The following ZNF540 variants were observed in gnomAD, a reference collection of about 807,000 sequenced individuals.
ZNF540 encodes the protein CTD-3064H18.6.
In ZNF540, 3 loss-of-function variants were observed where a neutral mutation model predicts 11.8. That is an observed-to-expected ratio of 0.25 (90% confidence interval 0.12 to 0.65). The LOEUF (loss-of-function observed/expected upper bound fraction) is 0.65, where lower values mean the gene tolerates loss of function less well. Ranked by LOEUF, ZNF540 falls within the 30% of genes least tolerant of loss-of-function variation. The pLI is 0.83. For missense variants in ZNF540, 709 were observed against 793.1 expected (o/e 0.89, Z 1.27); for synonymous variants, 247 against 259.0 (o/e 0.95, Z 0.45).
At chr19:37,591,546 T>C (rs1377588115), upstream of ZNF540, among the ~76,000 whole-genome samples, 1 of 152,224 alleles carries the variant, frequency 6.6e-6, no homozygotes, top group Non-Finnish European at 1.5e-5. Flanking sequence ...CCATATGAAC[T>C]GTATTTATTT....
upstream of ZNF540, chr19:37,594,319 G>A (rs1398720958): frequency 6.6e-6 from 1 of 152,362 alleles, no homozygotes; most frequent in Non-Finnish European, 1.5e-5. Flanking sequence ...GGGGCCAAGC[G>A]CTAGGAGCAT....
chr19:37,587,280 T>C (rs1004355317), intron 1 of ZNF540: 1 of 152,386 alleles, frequency 6.6e-6, no homozygotes, highest in East Asian at 1.9e-4. Context: ...ATGGCTGGAG[T>C]ATTCTCCCAA....
intron 1 of ZNF540, among the ~76,000 whole-genome samples, chr19:37,577,900 C>T (rs958293864): frequency 3.9e-5 from 6 of 152,124 alleles, no homozygotes; most frequent in Non-Finnish European, 5.9e-5. Flanking sequence ...AGCCACAGAC[C>T]GTACTGTTTG....
chr19:37,595,062 A>T lies in ZNF540; in HGVS notation c.-106A>T, dbSNP rs1357320341. 1 of 152,220 alleles carries T rather than the reference A, an allele frequency of 6.6e-6. No individual in the cohort carries two copies. Among genetic ancestry groups the T allele is most frequent in the Non-Finnish European group, 1.5e-5 (1 of 68,058 alleles). 9.4% of individuals were successfully genotyped at this position (152,220 alleles called of 1,614,324 possible). ...GCCGTGGTGCCTTCAGGGGAATGTC[A>T]TCCCGGGCTAGAAGAGCTGCAAAAG... is the stretch of plus-strand genomic sequence containing the variant. On this transcript the variant is annotated 5_prime_UTR_variant, in exon 1 of 5. Transcript: ENST00000316433.
At chr19:37,587,335 C>A (rs746776572) in intron 1 of ZNF540, 1 of 152,220 alleles carries the variant, frequency 6.6e-6, no homozygotes, top group Non-Finnish European at 1.5e-5. Flanking sequence ...TGAATAAAGT[C>A]ATTCCTTACC....
chr19:37,552,844 G>A (rs1172700523), intron 1 of ZNF540, among the ~76,000 whole-genome samples: 1 of 152,030 alleles, frequency 6.6e-6, no homozygotes, highest in Non-Finnish European at 1.5e-5. Flanking sequence ...CTACTCGGGA[G>A]GGTGAGGCAG....
chr19:37,599,158 C>G (rs1350355968), intron 2 of ZNF540, among the ~76,000 whole-genome samples: 1 of 149,564 alleles, frequency 6.7e-6, no homozygotes. Flanking sequence ...ATCTCCGTCT[C>G]GATTGATCAA....
chr19:37,597,986 A>G (rs947145798), intron 1 of ZNF540, among the ~76,000 whole-genome samples: 3 of 152,228 alleles, frequency 2.0e-5, no homozygotes, highest in Non-Finnish European at 2.9e-5. Flanking sequence ...GGAGGCCAGG[A>G]AGCTCCTAAG....
At chr19:37,589,340 C>T (rs2043796648) in intron 1 of ZNF540, among the ~76,000 whole-genome samples, 1 of 150,654 alleles carries the variant, frequency 6.6e-6, no homozygotes, top group Admixed American at 6.6e-5. Flanking sequence ...TAAAAGAATA[C>T]ACAGACAAAT....
intron 1 of ZNF540, among the ~76,000 whole-genome samples, chr19:37,552,688 C>T (rs1262439404): frequency 6.6e-6 from 1 of 152,288 alleles, no homozygotes; most frequent in South Asian, 2.1e-4. Flanking sequence ...TGGGTCATGC[C>T]TGTAATCCTA....
At chr19:37,563,366 A>G (rs2042740403) in intron 1 of ZNF540, 1 of 152,014 alleles carries the variant, frequency 6.6e-6, no homozygotes, top group African/African-American at 2.4e-5. Context: ...AAGACCAAAA[A>G]ATGGAATGTA....
chr19:37,567,638 T>C (rs1206050420), intron 1 of ZNF540: 2 of 152,218 alleles, frequency 1.3e-5, no homozygotes. Context: ...TGCTGTTCCA[T>C]CTGCCAAGAA....
intron 4 of ZNF540, among the ~76,000 whole-genome samples, chr19:37,607,934 T>G (rs892574035): frequency 6.6e-6 from 1 of 152,260 alleles, no homozygotes; most frequent in Non-Finnish European, 1.5e-5. Context: ...CAGCAATGAA[T>G]GAGAGTTCCT....
At chr19:37,562,362 C>T (rs2042726348) in intron 1 of ZNF540, 1 of 149,700 alleles carries the variant, frequency 6.7e-6, no homozygotes, top group Non-Finnish European at 1.5e-5. Flanking sequence ...GCCTGAGCAA[C>T]AAGAGCGAAA....
chr19:37,573,307 C>T lies in ZNF540; in HGVS notation c.-73+21642C>T, dbSNP rs74404313. 1.9e-3 allele frequency among the ~76,000 whole-genome samples: 292 copies of T among 152,212 alleles called. 1 individual carries two copies. In the East Asian group the frequency reaches 0.027, roughly 14 times the overall value. On this transcript the variant is annotated intron_variant, in intron 1 of 4. Coordinates refer to the ZNF540 transcript ENST00000592533. ...TATTATTAACGGCATGATTGTTATA[C>T]TCAAGCATTTGAGAATTCCAAAAAA...
At chr19:37,586,642 C>T (rs2147204246) in intron 1 of ZNF540, 7 of 1,613,498 alleles carry the variant, frequency 4.3e-6, no homozygotes, top group Admixed American at 1.7e-5. Flanking sequence ...GATTGTACTT[C>T]AAGAAGGAAA....
chr19:37,586,331 C>T, intron 1 of ZNF540: 1 of 233,408 alleles, frequency 4.3e-6, no homozygotes, highest in Non-Finnish European at 8.2e-6. Context: ...TGTCATGTAT[C>T]ACATTTAAAC....
In ZNF540 at chr19:37,600,919, T is replaced by C. The variant is rs547288444; in HGVS notation, c.137-91T>C. ...TCCGAAGTCTTCATCGAAATCATGT[T>C]GATCCATATAAATTTAACCAAGTCT... On this transcript the variant is annotated intron_variant, in intron 3 of 4. Transcript: ENST00000316433. 1,869 of 1,078,724 alleles carry C rather than the reference T, an allele frequency of 1.7e-3. 6 individuals are homozygous for C. Among genetic ancestry groups the C allele is most frequent in the Middle Eastern group, 4.0e-3 (14 of 3,466 alleles). 66.8% of individuals were successfully genotyped at this position (1,078,724 alleles called of 1,614,324 possible). A position where few individuals can be genotyped will look rare whatever the true frequency, so the allele number is the denominator to read the frequency against.
intron 1 of ZNF540, among the ~76,000 whole-genome samples, chr19:37,557,514 CCACAA>C (rs1201575531): frequency 1.3e-5 from 2 of 152,158 alleles, no homozygotes; most frequent in Non-Finnish European, 2.9e-5. Context: ...AAGCCTGAGC[CCACAA>C]CACATCTGTC....
Sources: allele counts gnomAD v4.1 joint callset (sites outside exome capture counted in the v4.1 genomes callset), GRCh38; gene constraint gnomAD v4.1.1; transcripts MANE v1.5; gene names NCBI Gene and HGNC (gene_info 2026-07-23, HGNC 2026-07-21).